LRP1B: variants seen among roughly 807,000 people sequenced by gnomAD.
LRP1B encodes low-density lipoprotein receptor-related protein 1B.
LRP1B carries 217 observed loss-of-function variants against 556.6 expected under a neutral mutation model. The observed-to-expected ratio is 0.39, with a 90% confidence interval of 0.35 to 0.44. The LOEUF (loss-of-function observed/expected upper bound fraction) is 0.44. LRP1B is among the 20% of genes least tolerant of loss of function. LRP1B has a pLI of 1.00. For synonymous variants in LRP1B, 2,047 were observed against 1,865.8 expected, an observed-to-expected ratio of 1.10 and a Z score of -2.50; for missense variants, 5,053 against 5,620.8, an observed-to-expected ratio of 0.90 and a Z score of 3.23.
chr2:140,584,063 A>G (rs1350448351), intron 43 of LRP1B, among the ~76,000 whole-genome samples: 6 of 152,192 alleles, frequency 3.9e-5, no homozygotes, highest in African/African-American at 1.4e-4. Context: ...AATCTTTTTT[A>G]TCATTTTAAA....
intron 2 of LRP1B, among the ~76,000 whole-genome samples, chr2:141,722,073 T>G (rs548520605): frequency 1.3e-5 from 2 of 152,182 alleles, no homozygotes; most frequent in Admixed American, 6.5e-5. Context: ...TGGAACATCA[T>G]GCTTTCTTTA....
intron 1 of LRP1B, among the ~76,000 whole-genome samples, chr2:141,891,108 A>G (rs1699277990): frequency 6.6e-6 from 1 of 152,158 alleles, no homozygotes; most frequent in South Asian, 2.1e-4. Context: ...TGGATGAAAT[A>G]TTCAGAGAAA....
chr2:141,752,240 G>T (rs774123254), intron 2 of LRP1B, among the ~76,000 whole-genome samples: 2 of 152,056 alleles, frequency 1.3e-5, no homozygotes, highest in African/African-American at 2.4e-5. Context: ...AGTTACAAAT[G>T]CATTTTTAAG....
chr2:140,252,242 G>T (rs890230318), intron 86 of LRP1B, among the ~76,000 whole-genome samples: 1 of 151,470 alleles, frequency 6.6e-6, no homozygotes, highest in Non-Finnish European at 1.5e-5. Context: ...AGTCTTAGAT[G>T]AAATTATTTC....
At chr2:140,257,335 A>G (rs1681739780) in intron 86 of LRP1B, among the ~76,000 whole-genome samples, 1 of 152,184 alleles carries the variant, frequency 6.6e-6, no homozygotes, top group Admixed American at 6.5e-5. Flanking sequence ...AGAGTTATAC[A>G]AATAATATAT....
At chr2:141,815,994 A>G (rs1434538687) in intron 1 of LRP1B, among the ~76,000 whole-genome samples, 1 of 152,248 alleles carries the variant, frequency 6.6e-6, no homozygotes, top group Non-Finnish European at 1.5e-5. Context: ...AATTTGTGCA[A>G]GAATAACTTT....
chr2:140,579,498 G>A (rs1681672000), intron 43 of LRP1B, among the ~76,000 whole-genome samples: 1 of 152,120 alleles, frequency 6.6e-6, no homozygotes, highest in African/African-American at 2.4e-5. Context: ...CCTGAAAGCT[G>A]GAGACACCTG....
chr2:142,042,681 CAT>C, intron 1 of LRP1B, among the ~76,000 whole-genome samples: 1 of 151,622 alleles, frequency 6.6e-6, no homozygotes, highest in East Asian at 1.9e-4. Flanking sequence ...GCTGTAAAAA[CAT>C]ATTGCCTGGT....
intron 3 of LRP1B, among the ~76,000 whole-genome samples, chr2:141,470,936 C>G (rs1682438348): frequency 6.6e-6 from 1 of 152,098 alleles, no homozygotes; most frequent in Non-Finnish European, 1.5e-5. Context: ...AAATAGTAAA[C>G]ATACCTTCCA....
intron 3 of LRP1B, among the ~76,000 whole-genome samples, chr2:141,409,307 G>C (rs1286233184): frequency 2.6e-5 from 4 of 152,060 alleles, no homozygotes; most frequent in Non-Finnish European, 4.4e-5. Context: ...GTTTAATCTT[G>C]GCTCTGTTAC....
At chr2:141,701,840 A>G (rs975106531) in intron 2 of LRP1B, among the ~76,000 whole-genome samples, 1 of 151,822 alleles carries the variant, frequency 6.6e-6, no homozygotes, top group East Asian at 1.9e-4. Context: ...GAATAACTCA[A>G]TTTTCAATAT....
intron 2 of LRP1B, among the ~76,000 whole-genome samples, chr2:141,764,141 G>T (rs948535378): frequency 6.6e-6 from 1 of 152,052 alleles, no homozygotes; most frequent in African/African-American, 2.4e-5. Flanking sequence ...AGGTAATTAA[G>T]GTTAAATGAA....
chr2:141,065,399 A>AT (rs1699452486), intron 7 of LRP1B, among the ~76,000 whole-genome samples: 1 of 151,988 alleles, frequency 6.6e-6, no homozygotes, highest in Non-Finnish European at 1.5e-5. Flanking sequence ...TTGACAGATA[A>AT]TGTTCTTTAT....
chr2:141,963,730 G>A (rs1701474236), intron 1 of LRP1B, among the ~76,000 whole-genome samples: 1 of 147,898 alleles, frequency 6.8e-6, no homozygotes, highest in Non-Finnish European at 1.5e-5. Context: ...CATAGTGTTG[G>A]AACTTCTGGC....
At chr2:141,062,719 C>T (rs571350353) in intron 7 of LRP1B, among the ~76,000 whole-genome samples, 21 of 151,628 alleles carry the variant, frequency 1.4e-4, no homozygotes, top group Admixed American at 1.1e-3. Context: ...AGCTCAATGA[C>T]GCTATGAGTG....
At chr2:141,540,636 A>G (rs1685225635) in intron 2 of LRP1B, among the ~76,000 whole-genome samples, 1 of 152,026 alleles carries the variant, frequency 6.6e-6, no homozygotes, top group Non-Finnish European at 1.5e-5. Context: ...AATTAGTAGT[A>G]ATTTGGAATT....
intron 20 of LRP1B, among the ~76,000 whole-genome samples, chr2:140,928,726 A>G (rs1387471998): frequency 6.6e-6 from 1 of 152,130 alleles, no homozygotes; most frequent in Non-Finnish European, 1.5e-5. Flanking sequence ...TGACTTGGTT[A>G]TAGGAAAAAT....
chr2:142,036,094 C>T (rs900236623), intron 1 of LRP1B, among the ~76,000 whole-genome samples: 1 of 151,688 alleles, frequency 6.6e-6, no homozygotes, highest in African/African-American at 2.4e-5. Flanking sequence ...TTAGGTATGT[C>T]TTAATCAGCA....
Position 140,350,836 on chromosome 2 carries a change from G to T in LRP1B, c.11853C>A (p.Ile3951=), listed in dbSNP as rs1681924727. ...FNPGGIFYKR[I]HGREKRQANS... is the part of the protein sequence containing the mutation. The stretch of plus-strand genomic sequence containing the variant: ...TTGCTTGCCTTTTTTCTCTGCCATG[G>T]ATCCTTTTGTAGAAAATTCCGCCTG... Residue 3951 remains isoleucine (I), a synonymous_variant, in exon 77 of 91, where the codon ATC becomes ATA. Transcript: ENST00000389484. The T allele has an allele frequency of 3.7e-6, 6 of 1,610,926 alleles. No individual in the cohort carries two copies. The highest frequency in any genetic ancestry group is 3.4e-6 in the Non-Finnish European group (4 of 1,178,410).
Sources: allele counts gnomAD v4.1 joint callset (sites outside exome capture counted in the v4.1 genomes callset), GRCh38; gene constraint gnomAD v4.1.1; transcripts MANE v1.5; gene names NCBI Gene and HGNC (gene_info 2026-07-23, HGNC 2026-07-21).